The following GALNT17 variants were observed in gnomAD, a reference collection of about 807,000 sequenced individuals.
GALNT17 encodes the protein UDP-GalNAc:polypeptide N-acetylgalactosaminyltransferase-like 3.
In GALNT17, 29 loss-of-function variants were observed where a neutral mutation model predicts 63.7. That is an observed-to-expected ratio of 0.46 (90% CI 0.34 to 0.62). The LOEUF (loss-of-function observed/expected upper bound fraction) is 0.62. Among genes scored for constraint, GALNT17 ranks in the 20% least tolerant of loss-of-function variants. The pLI is 0.01. For missense variants in GALNT17, 603 were observed against 799.6 expected (o/e 0.75, Z 2.97); for synonymous variants, 305 against 318.3 (o/e 0.96, Z 0.45).
intron 4 of GALNT17, among the ~76,000 whole-genome samples, chr7:71,418,739 G>A (rs1786598046): frequency 6.6e-6 from 1 of 152,196 alleles, no homozygotes; most frequent in South Asian, 2.1e-4. Context: ...CCCCAGGGAG[G>A]AGGGAGCAAA....
intron 6 of GALNT17, among the ~76,000 whole-genome samples, chr7:71,622,313 A>G (rs898647440): frequency 8.5e-5 from 13 of 152,216 alleles, no homozygotes; most frequent in Non-Finnish European, 1.9e-4. Flanking sequence ...CTTTCCTCAC[A>G]TAGAAAATGA....
At chr7:71,502,180 T>C (rs1199955000) in intron 5 of GALNT17, among the ~76,000 whole-genome samples, 2 of 152,240 alleles carry the variant, frequency 1.3e-5, no homozygotes, top group Non-Finnish European at 2.9e-5. Context: ...TTGCCCCTTA[T>C]GACCAATCTT....
chr7:71,698,238 C>T (rs747405684), intron 9 of GALNT17, among the ~76,000 whole-genome samples: 27 of 152,094 alleles, frequency 1.8e-4, no homozygotes, highest in Admixed American at 1.2e-3. Flanking sequence ...GACAGTGTGT[C>T]TGTCCTATGA....
intron 1 of GALNT17, among the ~76,000 whole-genome samples, chr7:71,265,635 C>T (rs1790479849): frequency 6.6e-6 from 1 of 152,138 alleles, no homozygotes; most frequent in Admixed American, 6.5e-5. Context: ...AAAGTGTTCT[C>T]TTCTAAGGCA....
intron 1 of GALNT17, among the ~76,000 whole-genome samples, chr7:71,230,229 C>A (rs1206103245): frequency 6.6e-6 from 1 of 151,474 alleles, no homozygotes; most frequent in Non-Finnish European, 1.5e-5. Context: ...ACTAGTATAT[C>A]ATTTCAGAAT....
intron 9 of GALNT17, among the ~76,000 whole-genome samples, chr7:71,704,472 T>C (rs1791694909): frequency 7.0e-6 from 1 of 142,444 alleles, no homozygotes; most frequent in South Asian, 2.2e-4. Context: ...GCAATCCCTA[T>C]CAAAATGCCA....
At chr7:71,404,884 C>G (rs1793301227) in intron 3 of GALNT17, among the ~76,000 whole-genome samples, 1 of 152,218 alleles carries the variant, frequency 6.6e-6, no homozygotes, top group South Asian at 2.1e-4. Context: ...AGGCGCCTGC[C>G]TCAAGTCCAG....
At chr7:71,610,539 C>A (rs1482599408) in intron 6 of GALNT17, among the ~76,000 whole-genome samples, 1 of 151,912 alleles carries the variant, frequency 6.6e-6, no homozygotes, top group Admixed American at 6.6e-5. Flanking sequence ...AAGGAGAAAA[C>A]CAAAAATATC....
intron 1 of GALNT17, among the ~76,000 whole-genome samples, chr7:71,256,304 G>T (rs1790288866): frequency 6.6e-6 from 1 of 152,200 alleles, no homozygotes; most frequent in Non-Finnish European, 1.5e-5. Context: ...AGGCGTGGTG[G>T]CTCACACCTG....
chr7:71,377,953 T>A (rs1583903469), intron 2 of GALNT17, among the ~76,000 whole-genome samples: 1 of 152,204 alleles, frequency 6.6e-6, no homozygotes, highest in Non-Finnish European at 1.5e-5. Flanking sequence ...ACCTCTTTCC[T>A]TTATAAATTA....
chr7:71,408,806 G>A (rs573799396), intron 3 of GALNT17, among the ~76,000 whole-genome samples: 1 of 152,162 alleles, frequency 6.6e-6, no homozygotes, highest in Non-Finnish European at 1.5e-5. Flanking sequence ...TCAGGAGGTC[G>A]AGGCTGTAGT....
intron 1 of GALNT17, among the ~76,000 whole-genome samples, chr7:71,170,486 C>T (rs112919598): frequency 0.085 from 12,860 of 151,916 alleles, 589 homozygotes; most frequent in Non-Finnish European, 0.091. Flanking sequence ...CAGGCACATG[C>T]GATCACCCCT....
At chr7:71,478,855 C>T (rs894926931) in intron 5 of GALNT17, among the ~76,000 whole-genome samples, 1 of 152,176 alleles carries the variant, frequency 6.6e-6, no homozygotes, top group African/African-American at 2.4e-5. Flanking sequence ...GTGTTAATGG[C>T]GGCATCTCAT....
intron 1 of GALNT17, among the ~76,000 whole-genome samples, chr7:71,265,118 A>ATATATATATT (rs1390488895): frequency 5.3e-5 from 2 of 37,462 alleles, no homozygotes; most frequent in Non-Finnish European, 1.4e-4. Context: ...ATATATATAT[A>ATATATATATT]TTTTTTTTTT....
At chr7:71,168,470 G>A (rs1197884202) in intron 1 of GALNT17, among the ~76,000 whole-genome samples, 1 of 152,066 alleles carries the variant, frequency 6.6e-6, no homozygotes, top group Non-Finnish European at 1.5e-5. Flanking sequence ...TACTCAGGAG[G>A]CTGAGGCAGG....
intron 6 of GALNT17, among the ~76,000 whole-genome samples, chr7:71,634,965 T>G (rs893777211): frequency 2.0e-5 from 3 of 151,790 alleles, no homozygotes; most frequent in African/African-American, 7.3e-5. Context: ...TCCCAGCACT[T>G]TGGGAGGCTG....
intron 1 of GALNT17, among the ~76,000 whole-genome samples, chr7:71,325,529 A>C (rs1791690450): frequency 6.6e-6 from 1 of 152,206 alleles, no homozygotes; most frequent in Non-Finnish European, 1.5e-5. Context: ...TAAAAGAATA[A>C]TGCTGGTTAT....
chr7:71,182,154 A>C (rs1362916859), intron 1 of GALNT17, among the ~76,000 whole-genome samples: 8 of 152,154 alleles, frequency 5.3e-5, no homozygotes, highest in Non-Finnish European at 8.8e-5. Context: ...CAGCCTGGGC[A>C]TCAAGAGCGA....
intron 1 of GALNT17, among the ~76,000 whole-genome samples, chr7:71,225,186 C>G (rs1439799537): frequency 2.0e-5 from 3 of 152,128 alleles, no homozygotes; most frequent in Admixed American, 2.0e-4. Flanking sequence ...CCAGGCTGGT[C>G]TTGAACTCCT....
Sources: gnomAD v4.1 joint callset for allele counts (sites outside exome capture counted in the v4.1 genomes callset) on GRCh38, gnomAD v4.1.1 for gene constraint, MANE v1.5 for transcripts, NCBI Gene and HGNC (gene_info 2026-07-23, HGNC 2026-07-21) for gene names.